The following RIN3 variants were observed in gnomAD, a reference collection of about 807,000 sequenced individuals.
The protein encoded by RIN3 is Ras and Rab interactor 3.
RIN3 carries 54 observed loss-of-function variants against 76.3 expected under a neutral mutation model. That is an observed-to-expected ratio of 0.71 (90% CI 0.57 to 0.89). The LOEUF (loss-of-function observed/expected upper bound fraction) is 0.89, where lower values mean the gene tolerates loss of function less well. Ranked by LOEUF, RIN3 falls within the 40% of genes least tolerant of loss-of-function variation. RIN3 has a pLI of 0.00. For missense variants in RIN3, 1,256 were observed against 1,322.1 expected, an observed-to-expected ratio of 0.95 and a Z score of 0.78; for synonymous variants, 576 against 564.0, an observed-to-expected ratio of 1.02 and a Z score of -0.30.
At chr14:92,610,038 A>T (rs12886904) in intron 3 of RIN3, among the ~76,000 whole-genome samples, 61,345 of 151,852 alleles carry the variant, frequency 0.4, 12,756 homozygotes, top group Admixed American at 0.52. Context: ...AGAAAAAAAA[A>T]TTTTAAGTAT....
intron 7 of RIN3, among the ~76,000 whole-genome samples, chr14:92,672,492 C>G (rs10444688): frequency 7.7e-4 from 117 of 152,312 alleles, no homozygotes; most frequent in African/African-American, 2.6e-3. Flanking sequence ...TCACACCAGG[C>G]TAGAACAGAC....
chr14:92,605,352 A>G (rs1401742629), intron 3 of RIN3, among the ~76,000 whole-genome samples: 1 of 152,140 alleles, frequency 6.6e-6, no homozygotes, highest in African/African-American at 2.4e-5. Flanking sequence ...TTTATTAACA[A>G]CGACTATTGT....
At chr14:92,618,886 G>A (rs556022425) in intron 4 of RIN3, among the ~76,000 whole-genome samples, 2 of 152,282 alleles carry the variant, frequency 1.3e-5, no homozygotes, top group East Asian at 3.9e-4. Flanking sequence ...GAAGGACAAG[G>A]TGGCCATCCT....
chr14:92,584,176 C>A (rs946750601), intron 3 of RIN3, among the ~76,000 whole-genome samples: 2 of 152,172 alleles, frequency 1.3e-5, no homozygotes, highest in Admixed American at 1.3e-4. Flanking sequence ...GTCTTGAAAC[C>A]AACCCCCCAC....
At chr14:92,678,672 A>G (rs564023441) in intron 8 of RIN3, among the ~76,000 whole-genome samples, 110 of 151,846 alleles carry the variant, frequency 7.2e-4, no homozygotes, top group African/African-American at 2.5e-3. Context: ...CCACCCGTCC[A>G]CCCATCCACT....
chr14:92,600,525 C>A (rs866145546), intron 3 of RIN3, among the ~76,000 whole-genome samples: 2 of 152,218 alleles, frequency 1.3e-5, no homozygotes, highest in South Asian at 4.1e-4. Context: ...TTTCACAACT[C>A]ATTTCCTGGC....
At chr14:92,588,477 C>T (rs964552662) in intron 3 of RIN3, among the ~76,000 whole-genome samples, 9 of 152,072 alleles carry the variant, frequency 5.9e-5, no homozygotes, top group East Asian at 3.9e-4. Flanking sequence ...CCGCCTGCCT[C>T]GGCCTCCCAA....
chr14:92,610,559 G>A (rs530360626), intron 3 of RIN3, among the ~76,000 whole-genome samples: 9 of 152,210 alleles, frequency 5.9e-5, no homozygotes. Flanking sequence ...AAAACACATG[G>A]GCGGCATTTC....
chr14:92,535,572 G>C (rs11851363), intron 1 of RIN3, among the ~76,000 whole-genome samples: 1 of 151,942 alleles, frequency 6.6e-6, no homozygotes, highest in Non-Finnish European at 1.5e-5. Flanking sequence ...GAAGTCTCTC[G>C]ACCATCAGAT....
At position 92,531,691 on chromosome 14, in the gene RIN3, C is replaced by T. The variant is rs116657540; in HGVS notation, c.44+17715C>T. On this transcript the variant is annotated intron_variant, in intron 1 of 9. Coordinates refer to ENST00000216487, the MANE Select transcript of RIN3 (RefSeq NM_024832.5). Reference sequence around the variant, plus strand: ...TCACCAGGGGGTGGGAGCAATGTGACGCTGTGTAGTTTCCTGCAATGGGCG... The same window carrying T: ...TCACCAGGGGGTGGGAGCAATGTGATGCTGTGTAGTTTCCTGCAATGGGCG... 2.3e-3 allele frequency among the ~76,000 whole-genome samples: 344 copies of T among 152,266 alleles called. 1 individual carries two copies. Among genetic ancestry groups the T allele is most frequent in the African/African-American group, 7.8e-3 (323 of 41,550 alleles).
chr14:92,519,334 C>T (rs771019066), intron 1 of RIN3, among the ~76,000 whole-genome samples: 44 of 152,126 alleles, frequency 2.9e-4, no homozygotes, highest in Non-Finnish European at 5.7e-4. Context: ...GAAAAAAGTA[C>T]ATTTGGTTTT....
At chr14:92,534,241 T>TA in intron 1 of RIN3, among the ~76,000 whole-genome samples, 1 of 133,292 alleles carries the variant, frequency 7.5e-6, no homozygotes. Flanking sequence ...GTCATGTCAT[T>TA]TTTTTTTTTT....
chr14:92,672,659 C>CATAT (rs758429755), intron 7 of RIN3, among the ~76,000 whole-genome samples: 1 of 105,000 alleles, frequency 9.5e-6, no homozygotes, highest in Admixed American at 9.7e-5. Context: ...TATGTGTGTG[C>CATAT]ATGTGTGTGT....
chr14:92,641,261 G>C lies in RIN3; in HGVS notation c.464G>C (p.Arg155Pro). 2 of 1,614,076 alleles carry C rather than the reference G, an allele frequency of 1.2e-6. No homozygotes were observed. The highest frequency in any genetic ancestry group is 1.7e-6 in the Non-Finnish European group (2 of 1,179,936). Residue 155 changes from arginine (R) to proline (P), a missense_variant, in exon 5 of 10, where the codon CGG becomes CCG. Around this residue, in one of 3 missense-constraint regions of RIN3, gnomAD observed 610 missense variants for 626.4 expected, o/e 0.97. Coordinates refer to ENST00000216487, the MANE Select transcript of RIN3 (RefSeq NM_024832.5). ...AGAGACTTACTGCCCTTCACACTGC[G>C]GCTACCCCAGGCCATCCTTGAGGCC... is the stretch of plus-strand genomic sequence containing the variant. ...VSRDLLPFTL[R>P]LPQAILEASS... is the part of the protein sequence containing the mutation.
chr14:92,632,349 C>T (rs139686771), intron 4 of RIN3, among the ~76,000 whole-genome samples: 45 of 152,178 alleles, frequency 3.0e-4, no homozygotes, highest in African/African-American at 1.0e-3. Context: ...CTTTGGGCTG[C>T]GACTGCCCAC....
At chr14:92,571,829 A>G (rs763456330) in intron 2 of RIN3, among the ~76,000 whole-genome samples, 8 of 152,204 alleles carry the variant, frequency 5.3e-5, no homozygotes, top group Non-Finnish European at 1.2e-4. Flanking sequence ...CAAATGGAAA[A>G]GGCACATAGG....
intron 4 of RIN3, among the ~76,000 whole-genome samples, chr14:92,626,380 A>G (rs1833742406): frequency 6.6e-6 from 1 of 152,156 alleles, no homozygotes; most frequent in African/African-American, 2.4e-5. Context: ...GGGCCTAGGA[A>G]TTGATCTGCT....
intron 2 of RIN3, among the ~76,000 whole-genome samples, chr14:92,572,495 C>G (rs969355622): frequency 6.6e-6 from 1 of 152,134 alleles, no homozygotes; most frequent in African/African-American, 2.4e-5. Flanking sequence ...CAGCTGCAAC[C>G]AATTATTAGA....
intron 7 of RIN3, among the ~76,000 whole-genome samples, chr14:92,670,377 T>C (rs1365133079): frequency 6.6e-6 from 1 of 152,144 alleles, no homozygotes; most frequent in Non-Finnish European, 1.5e-5. Flanking sequence ...ATGGGCGTGA[T>C]CTCTGGTCCA....
Sources: gnomAD v4.1 joint callset for allele counts (sites outside exome capture counted in the v4.1 genomes callset) on GRCh38, gnomAD v4.1.1 for gene constraint, gnomAD v4.1.1 regional missense constraint, MANE v1.5 for transcripts, NCBI Gene and HGNC (gene_info 2026-07-23, HGNC 2026-07-21) for gene names.